RNF121: variants seen among roughly 807,000 people sequenced by gnomAD.
RNF121 encodes the protein E3 ubiquitin ligase RNF121.
Under a neutral mutation model 46.5 loss-of-function variants are expected in RNF121, and 21 were observed. The observed-to-expected ratio is 0.45, with a 90% CI of 0.32 to 0.65. The LOEUF is 0.65. RNF121 is among the 30% of genes least tolerant of loss of function. The pLI is 0.04. For missense variants in RNF121, 346 were observed against 416.0 expected (o/e 0.83, Z 1.46); for synonymous variants, 139 against 144.7 (o/e 0.96, Z 0.28).
intron 1 of RNF121, among the ~76,000 whole-genome samples, chr11:71,948,786 G>A (rs1213499276): frequency 6.6e-6 from 1 of 152,186 alleles, no homozygotes; most frequent in Non-Finnish European, 1.5e-5. Flanking sequence ...CAAAGCTGAG[G>A]AGTTGGGGAA....
At chr11:71,962,369 T>C (rs1954158151) in intron 3 of RNF121, 1 of 838,744 alleles carries the variant, frequency 1.2e-6, no homozygotes, top group African/African-American at 1.8e-5. Context: ...TTAAACATTA[T>C]CTTAAGGAAA....
At chr11:71,969,206 G>A (rs922135079) in intron 3 of RNF121, among the ~76,000 whole-genome samples, 3 of 151,932 alleles carry the variant, frequency 2.0e-5, no homozygotes, top group Non-Finnish European at 4.4e-5. Flanking sequence ...ATTTTTCATA[G>A]CAACACTATT....
At chr11:71,930,784 A>G (rs1953261206) in intron 1 of RNF121, among the ~76,000 whole-genome samples, 1 of 152,222 alleles carries the variant, frequency 6.6e-6, no homozygotes, top group Non-Finnish European at 1.5e-5. Flanking sequence ...TACATATGTC[A>G]GGGTTCATTG....
chr11:71,985,641 C>G (rs1209595201), intron 4 of RNF121, among the ~76,000 whole-genome samples: 1 of 152,144 alleles, frequency 6.6e-6, no homozygotes, highest in Non-Finnish European at 1.5e-5. Flanking sequence ...ACTTTCCTCC[C>G]TAGGGTTCAG....
Position 71,952,638 on chromosome 11 carries a change from A to G in RNF121, c.64-4589A>G, listed in dbSNP as rs559483992. 1.0e-3 allele frequency among the ~76,000 whole-genome samples: 159 copies of G among 152,066 alleles called. 1 individual carries two copies. Among genetic ancestry groups the G allele is most frequent in the African/African-American group, 3.4e-3 (141 of 41,472 alleles). ...AGCCTGGCCAACATGGTGAAACCCTATCTTTACTAAAAATACAAAAATTAG... is the reference window on the plus strand; with the variant it reads ...AGCCTGGCCAACATGGTGAAACCCTGTCTTTACTAAAAATACAAAAATTAG... On this transcript the variant is annotated intron_variant, in intron 1 of 8. Coordinates refer to ENST00000361756, the MANE Select transcript of RNF121 (RefSeq NM_018320.5).
In RNF121 at chr11:71,995,515, A is replaced by G. The variant is rs1954957380; in HGVS notation, c.827A>G (p.Lys276Arg). 1 of 1,595,532 alleles carries G rather than the reference A, an allele frequency of 6.3e-7. No homozygotes were observed. Among genetic ancestry groups the G allele is most frequent in the South Asian group, 1.1e-5 (1 of 88,424 alleles). The change falls in exon 8 of 9, where the codon AAA (lysine) becomes AGA (arginine). Residue 276 changes from lysine to arginine, a missense_variant. Transcript: ENST00000361756. ...AAGAAGCAAACGTGTCCCTACTGCA[A>G]AGAGAAGGTAGACCTCAAGAGGATG... ...VGKKQTCPYC[K>R]EKVDLKRMFS...
intron 1 of RNF121, among the ~76,000 whole-genome samples, chr11:71,935,224 C>T (rs917722347): frequency 2.0e-5 from 3 of 152,190 alleles, no homozygotes; most frequent in African/African-American, 4.8e-5. Context: ...TGAGCCACTG[C>T]GCCCAGCCCT....
At chr11:71,949,454 C>G (rs1324042421) in intron 1 of RNF121, among the ~76,000 whole-genome samples, 1 of 152,116 alleles carries the variant, frequency 6.6e-6, no homozygotes, top group African/African-American at 2.4e-5. Context: ...GTGGCTAATG[C>G]CCGTAATCCC....
chr11:71,971,409 T>A (rs1954417528), intron 3 of RNF121, among the ~76,000 whole-genome samples: 1 of 152,164 alleles, frequency 6.6e-6, no homozygotes, highest in Non-Finnish European at 1.5e-5. Context: ...TGAACTTTTT[T>A]AAAAATAAAA....
At chr11:71,936,547 G>A (rs1953417378) in intron 1 of RNF121, among the ~76,000 whole-genome samples, 1 of 151,914 alleles carries the variant, frequency 6.6e-6, no homozygotes, top group South Asian at 2.1e-4. Flanking sequence ...CTGCCACCAC[G>A]CCTGGCTACT....
rs1429171899 is a variant in RNF121, at chr11:71,997,326, A to G, written c.*1011A>G. On this transcript the variant is annotated 3_prime_UTR_variant, in exon 9 of 9. Coordinates refer to ENST00000361756, the MANE Select transcript of RNF121 (RefSeq NM_018320.5). ...GATTCCCAGTCCAGGGAATATCCCT[A>G]CATGATTTTTGTCATTCATGGGTCC... 1 of 152,212 alleles carries G rather than the reference A, an allele frequency of 6.6e-6. No homozygotes were observed. The highest frequency in any genetic ancestry group is 1.5e-5 in the Non-Finnish European group (1 of 68,034). 9.4% of individuals were successfully genotyped at this position (152,212 alleles called of 1,614,324 possible).
chr11:71,957,399 G>A, intron 2 of RNF121, 135 bp downstream of exon 2: 2 of 734,954 alleles, frequency 2.7e-6, no homozygotes, highest in East Asian at 2.5e-5. Flanking sequence ...GGTCTTTTGG[G>A]ATCTCTCTAA....
chr11:71,939,707 T>TC (rs1953518086), intron 1 of RNF121, among the ~76,000 whole-genome samples: 1 of 152,248 alleles, frequency 6.6e-6, no homozygotes, highest in Non-Finnish European at 1.5e-5. Context: ...TGATACAACC[T>TC]CATGTCTTCA....
intron 5 of RNF121, among the ~76,000 whole-genome samples, chr11:71,988,640 T>TAAAAA (rs35970528): frequency 7.3e-6 from 1 of 137,708 alleles, no homozygotes; most frequent in Non-Finnish European, 1.5e-5. Flanking sequence ...TCTCAACTCT[T>TAAAAA]AAAAAAAAAA....
At chr11:71,957,583 T>G (rs571059326) in intron 2 of RNF121, among the ~76,000 whole-genome samples, 1 of 152,340 alleles carries the variant, frequency 6.6e-6, no homozygotes, top group South Asian at 2.1e-4. Context: ...CATAACAATA[T>G]CTATACCTCA....
At chr11:71,978,083 A>T in intron 3 of RNF121, 1 of 298,982 alleles carries the variant, frequency 3.3e-6, no homozygotes, top group Non-Finnish European at 6.8e-6. Context: ...TTTTTTTTTT[A>T]AGAGGTGGGG....
Position 71,995,432 on chromosome 11 carries a change from T to C in RNF121, c.762-18T>C. The stretch of plus-strand genomic sequence containing the variant: ...GCCGCCCTGGCTCTCACCATTTCCC[T>C]TGACCAGCGGTGCTCAGCTTCCACG... On this transcript the variant is annotated intron_variant, in intron 7 of 8. Transcript: ENST00000361756. The C allele has an allele frequency of 6.4e-7, 1 of 1,562,250 alleles. No homozygotes were observed. The highest frequency in any genetic ancestry group is 8.7e-7 in the Non-Finnish European group (1 of 1,151,112).
intron 4 of RNF121, among the ~76,000 whole-genome samples, chr11:71,984,374 G>A (rs1415961813): frequency 6.7e-6 from 1 of 149,474 alleles, no homozygotes; most frequent in Admixed American, 6.7e-5. Flanking sequence ...CCGCCTCCTG[G>A]GTTCACACCA....
chr11:71,987,763 C>T (rs1298639518), intron 5 of RNF121, among the ~76,000 whole-genome samples: 1 of 152,180 alleles, frequency 6.6e-6, no homozygotes, highest in East Asian at 1.9e-4. Flanking sequence ...CCGTGGTTGG[C>T]TACAGCTAGC....
Sources: allele counts gnomAD v4.1 joint callset (sites outside exome capture counted in the v4.1 genomes callset), GRCh38; gene constraint gnomAD v4.1.1; transcripts MANE v1.5; gene names NCBI Gene and HGNC (gene_info 2026-07-23, HGNC 2026-07-21).